Variants in LITAF observed in about 807,000 individuals in gnomAD.
LITAF encodes the protein lipopolysaccharide-induced tumor necrosis factor-alpha factor.
LITAF carries 9 observed loss-of-function variants against 14.5 expected under a neutral mutation model. The ratio of observed to expected loss-of-function variants is 0.62; its 90% confidence interval spans 0.37 to 1.08. LITAF has a LOEUF of 1.08. Among genes scored for constraint, LITAF ranks in the 50% least tolerant of loss-of-function variants. The pLI, the probability that LITAF is intolerant of heterozygous loss-of-function variation, is 0.01. For synonymous variants in LITAF, 98 were observed against 88.2 expected, an observed-to-expected ratio of 1.11 and a Z score of -0.62; for missense variants, 206 against 213.4, an observed-to-expected ratio of 0.97 and a Z score of 0.22.
intron 3 of LITAF, among the ~76,000 whole-genome samples, chr16:11,611,589 T>C (rs1252430918): frequency 2.0e-5 from 3 of 152,194 alleles, no homozygotes; most frequent in Admixed American, 2.0e-4. Context: ...GGCTACTAAA[T>C]TGCAGCCAAT....
rs1368292792 is a variant in LITAF at position 11,586,402 on chromosome 16, T to A, written c.-6+484A>T. ...GGTACCCGCGCCCCTAGAAGTCAAA[T>A]GTTTGGCAAATAGCATTTGGGAATT... On this transcript the variant is annotated intron_variant, in intron 1 of 3. Transcript: ENST00000622633. This position sits in a 1 kb window ranked among gnomAD's most constrained non-coding sequence, Gnocchi z 6.5. 1 of 151,966 alleles carries A rather than the reference T, an allele frequency of 6.6e-6. No homozygotes were observed. Among genetic ancestry groups the A allele is most frequent in the Non-Finnish European group, 1.5e-5 (1 of 67,942 alleles). The allele number at this position is 151,966 out of a possible 1,614,324, so 9.4% of individuals were successfully genotyped here. A position where few individuals can be genotyped will look rare whatever the true frequency, so the allele number is the denominator to read the frequency against.
intron 3 of LITAF, among the ~76,000 whole-genome samples, chr16:11,606,682 T>A (rs1297452231): frequency 6.6e-6 from 1 of 152,112 alleles, no homozygotes; most frequent in Non-Finnish European, 1.5e-5. Flanking sequence ...ATGCCCAGGC[T>A]GGAGTGCAGT....
intron 1 of LITAF, among the ~76,000 whole-genome samples, chr16:11,567,792 C>G (rs2064476868): frequency 6.6e-6 from 1 of 152,122 alleles, no homozygotes; most frequent in South Asian, 2.1e-4. Context: ...CAAGACCAGC[C>G]TAGCCAACAT....
chr16:11,609,579 A>G (rs1457635232), intron 3 of LITAF, among the ~76,000 whole-genome samples: 5 of 152,114 alleles, frequency 3.3e-5, no homozygotes, highest in Admixed American at 3.3e-4. Context: ...ACACTCTTGG[A>G]AAAAAGAAAA....
At chr16:11,569,972 A>C (rs766156101) in intron 1 of LITAF, among the ~76,000 whole-genome samples, 4 of 152,002 alleles carry the variant, frequency 2.6e-5, no homozygotes, top group African/African-American at 4.8e-5. Flanking sequence ...CGGAGATTGC[A>C]GTGAGACGAG....
intron 1 of LITAF, among the ~76,000 whole-genome samples, chr16:11,569,932 G>C (rs1479549441): frequency 6.6e-6 from 1 of 151,970 alleles, no homozygotes; most frequent in Non-Finnish European, 1.5e-5. Context: ...TACTTGGGAG[G>C]CTGAGGCAGA....
At position 11,547,884 on chromosome 16, in the gene LITAF, G is replaced by A. The variant is rs2064128575; in HGVS notation, c.*1753C>T. 8.8e-6 allele frequency: 4 copies of A among 454,006 alleles called. No homozygotes were observed. The highest frequency in any genetic ancestry group is 1.8e-5 in the Non-Finnish European group (4 of 226,812). 28.1% of individuals were successfully genotyped at this position (454,006 alleles called of 1,614,324 possible). A position where few individuals can be genotyped will look rare whatever the true frequency, so the allele number is the denominator to read the frequency against. On this transcript the variant is annotated 3_prime_UTR_variant, in exon 4 of 4. Coordinates refer to ENST00000622633, the MANE Select transcript of LITAF (RefSeq NM_001136472.2). ...TTGCAGGATATTCAGCAAGTCTGAA[G>A]TTTTTAATCGGGAAGGATTTTCTAC...
rs561414261 is a variant in LITAF at position 11,550,807 on chromosome 16, C to T, written c.378-1062G>A. 4.6e-5 allele frequency among the ~76,000 whole-genome samples: 7 copies of T among 152,286 alleles called. No homozygotes were observed. In the East Asian group the frequency reaches 1.4e-3, roughly 29 times the overall value. Reference sequence around the variant, plus strand: ...CACCACACACCCGGCCACATACTTTCATCCTGATGAGCCATGGCGTCTCTG... The same window carrying T: ...CACCACACACCCGGCCACATACTTTTATCCTGATGAGCCATGGCGTCTCTG... On this transcript the variant is annotated intron_variant, in intron 3 of 3. Transcript: ENST00000622633.
intron 3 of LITAF, among the ~76,000 whole-genome samples, chr16:11,613,887 G>C (rs1197939609): frequency 6.6e-6 from 1 of 152,212 alleles, no homozygotes; most frequent in African/African-American, 2.4e-5. Context: ...CACTTCTCTC[G>C]CTGAATGTTT....
rs1555466254 is a variant in LITAF, at chr16:11,551,846, A to AAGTG, written c.377+1686_377+1687insCACT. 0.022 allele frequency: 11,380 copies of AAGTG among 525,630 alleles called. 573 individuals are homozygous for AAGTG. The highest frequency in any genetic ancestry group is 0.17 in the African/African-American group (7,230 of 42,830). 32.6% of individuals were successfully genotyped at this position (525,630 alleles called of 1,614,324 possible). ...GACTCAGCCTCAAACAAAACAAAACAAGTTTCTATTCCATCTTTCCCTGAT... is the reference window on the plus strand; with the variant it reads ...GACTCAGCCTCAAACAAAACAAAACAAGTGAGTTTCTATTCCATCTTTCCCTGAT... On this transcript the variant is annotated intron_variant, in intron 3 of 3. Coordinates refer to ENST00000622633, the MANE Select transcript of LITAF (RefSeq NM_001136472.2).
Position 11,553,374 on chromosome 16 carries a change from G to T in LITAF, c.377+159C>A. ...TACAGTGAGCCGAGATCGCCCCACT[G>T]TACTCCAGCCTGGGCGACAGAACCA... On this transcript the variant is annotated intron_variant, in intron 3 of 3. Coordinates refer to ENST00000622633, the MANE Select transcript of LITAF (RefSeq NM_001136472.2). The surrounding 1 kb of genome is among the most constrained non-coding windows in gnomAD (Gnocchi z 7.7). 1 of 771,370 alleles carries T rather than the reference G, an allele frequency of 1.3e-6. No homozygotes were observed. Among genetic ancestry groups the T allele is most frequent in the Non-Finnish European group, 2.1e-6 (1 of 467,914 alleles). The allele number at this position is 771,370 out of a possible 1,614,324, so 47.8% of individuals were successfully genotyped here. A position where few individuals can be genotyped will look rare whatever the true frequency, so the allele number is the denominator to read the frequency against.
chr16:11,612,853 C>A (rs1409806952), intron 3 of LITAF, among the ~76,000 whole-genome samples: 3 of 152,184 alleles, frequency 2.0e-5, no homozygotes, highest in African/African-American at 7.2e-5. Context: ...CTCTTGGGCA[C>A]CATCTCAGGG....
intron 1 of LITAF, among the ~76,000 whole-genome samples, chr16:11,564,542 C>T (rs926589345): frequency 4.6e-5 from 7 of 151,746 alleles, no homozygotes; most frequent in Non-Finnish European, 7.4e-5. Context: ...TCAAAAGGTA[C>T]AGTGTTCTAG....
upstream of LITAF, among the ~76,000 whole-genome samples, chr16:11,588,690 G>T (rs2064830587): frequency 6.6e-6 from 1 of 152,046 alleles, no homozygotes; most frequent in Non-Finnish European, 1.5e-5. Context: ...GCTTGCAAAG[G>T]TACCAATTAT....
chr16:11,607,010 CTG>C (rs2064958467), intron 3 of LITAF, among the ~76,000 whole-genome samples: 1 of 152,162 alleles, frequency 6.6e-6, no homozygotes, highest in Admixed American at 6.6e-5. Flanking sequence ...GATGAGGAAA[CTG>C]AGTTCAGAGA....
chr16:11,564,707 G>A (rs1038956927), intron 1 of LITAF, among the ~76,000 whole-genome samples: 4 of 152,056 alleles, frequency 2.6e-5, no homozygotes, highest in Non-Finnish European at 4.4e-5. Flanking sequence ...ATCAGACTTC[G>A]GGAAGCCCGG....
At position 11,558,721 on chromosome 16, in the gene LITAF, C is replaced by T. The variant is rs570579116; in HGVS notation, c.-5-1986G>A. Among the ~76,000 whole-genome samples the T allele has an allele frequency of 1.7e-4, 26 of 151,704 alleles. No homozygotes were observed. Among genetic ancestry groups the T allele is most frequent in the South Asian group, 1.3e-3 (6 of 4,796 alleles). The stretch of plus-strand genomic sequence containing the variant: ...AGACTCTGTCTCAAAAACAAACAAA[C>T]GAAACAAAGTGGAATAGAGGCGGGG... On this transcript the variant is annotated intron_variant, in intron 1 of 3. Coordinates refer to ENST00000622633, the MANE Select transcript of LITAF (RefSeq NM_001136472.2). This position sits in a 1 kb window ranked among gnomAD's most constrained non-coding sequence, Gnocchi z 4.1.
At chr16:11,582,516 C>T (rs891541601) in intron 1 of LITAF, among the ~76,000 whole-genome samples, 1 of 152,140 alleles carries the variant, frequency 6.6e-6, no homozygotes, top group Non-Finnish European at 1.5e-5. Context: ...AAGATCGATT[C>T]TTCCAGGAAG....
At chr16:11,624,925 G>C (rs2065074510) in intron 3 of LITAF, among the ~76,000 whole-genome samples, 1 of 152,128 alleles carries the variant, frequency 6.6e-6, no homozygotes, top group African/African-American at 2.4e-5. Flanking sequence ...TGCTGCCTGA[G>C]ACTGCCCGAT....
Sources: allele counts gnomAD v4.1 joint callset (sites outside exome capture counted in the v4.1 genomes callset), GRCh38; gene constraint gnomAD v4.1.1; non-coding constraint Gnocchi (gnomAD v3.1); transcripts MANE v1.5; gene names NCBI Gene and HGNC (gene_info 2026-07-23, HGNC 2026-07-21).